The following RBFOX1 variants were observed in gnomAD, a reference collection of about 807,000 sequenced individuals.
RBFOX1 encodes the protein RNA binding protein fox-1 homolog 1.
In RBFOX1, 8 loss-of-function variants were observed where a neutral mutation model predicts 57.7. The observed-to-expected ratio is 0.14, with a 90% confidence interval of 0.08 to 0.25. The LOEUF (loss-of-function observed/expected upper bound fraction) is 0.25, where lower values mean the gene tolerates loss of function less well. RBFOX1 is among the 10% of genes least tolerant of loss of function. RBFOX1 has a pLI of 1.00. For synonymous variants in RBFOX1, 326 were observed against 222.4 expected (o/e 1.47, Z -4.15); for missense variants, 611 against 548.5 (o/e 1.11, Z -1.14).
chr16:5,578,844 CTTTTTTTTTTTTTTT>C lies in RBFOX1; in HGVS notation c.259-20049_259-20035del, dbSNP rs57387602. ...AAACCTCCACACACACACACACACCCTTTTTTTTTTTTTTTTTTTTTTTGAGAGAGTCTCACTCTG... is the reference window on the plus strand; with the variant it reads ...AAACCTCCACACACACACACACACCCTTTTTTTTGAGAGAGTCTCACTCTG... On this transcript the variant is annotated intron_variant, in intron 2 of 2. Transcript: ENST00000585867. Among the ~76,000 whole-genome samples, 6 of 109,080 alleles carry C rather than the reference CTTTTTTTTTTTTTTT, an allele frequency of 5.5e-5. No homozygotes were observed. The South Asian group carries it at 1.9e-3, about 34-fold the overall frequency. 71.6% of individuals were successfully genotyped at this position (109,080 alleles called of 152,430 possible). A position where few individuals can be genotyped will look rare whatever the true frequency, so the allele number is the denominator to read the frequency against.
chr16:7,526,279 C>T (rs1185222679), intron 5 of RBFOX1, among the ~76,000 whole-genome samples: 2 of 152,076 alleles, frequency 1.3e-5, no homozygotes, highest in Non-Finnish European at 2.9e-5. Context: ...GGACTGCTGC[C>T]CTAGAGGATC....
At chr16:5,923,320 C>T (rs1223189880) in intron 4 of RBFOX1, among the ~76,000 whole-genome samples, 2 of 151,876 alleles carry the variant, frequency 1.3e-5, no homozygotes, top group Non-Finnish European at 2.9e-5. Flanking sequence ...ATGGTGGGGA[C>T]CTTGCAGGAC....
intron 4 of RBFOX1, among the ~76,000 whole-genome samples, chr16:7,237,078 G>C (rs1456825754): frequency 6.6e-6 from 1 of 152,160 alleles, no homozygotes; most frequent in East Asian, 1.9e-4. Context: ...GAGCTGTGTG[G>C]GGTTTGGGTG....
At chr16:7,603,663 G>A (rs1384031191) in intron 9 of RBFOX1, among the ~76,000 whole-genome samples, 3 of 152,092 alleles carry the variant, frequency 2.0e-5, no homozygotes, top group Non-Finnish European at 4.4e-5. Flanking sequence ...TTTGATATAC[G>A]GTGGTCTTGG....
chr16:6,295,059 C>A (rs1326643141), intron 1 of RBFOX1, among the ~76,000 whole-genome samples: 1 of 151,224 alleles, frequency 6.6e-6, no homozygotes, highest in Non-Finnish European at 1.5e-5. Context: ...CACTCTCTCT[C>A]CTCCAAGTCC....
intron 2 of RBFOX1, among the ~76,000 whole-genome samples, chr16:6,375,696 G>T (rs1596317877): frequency 6.6e-6 from 1 of 152,130 alleles, no homozygotes; most frequent in South Asian, 2.1e-4. Flanking sequence ...GCATCTCACA[G>T]CGGACCGTTG....
intron 4 of RBFOX1, among the ~76,000 whole-genome samples, chr16:5,935,785 A>C (rs564250310): frequency 6.6e-6 from 1 of 152,330 alleles, no homozygotes; most frequent in African/African-American, 2.4e-5. Flanking sequence ...TTCAAATTCA[A>C]GTCTCCACAT....
intron 4 of RBFOX1, among the ~76,000 whole-genome samples, chr16:5,971,144 A>G (rs955197886): frequency 9.2e-5 from 14 of 152,216 alleles, no homozygotes; most frequent in African/African-American, 3.1e-4. Flanking sequence ...AGGATCTACT[A>G]TGTGCTAGGC....
chr16:7,363,060 G>T (rs1346795861), intron 4 of RBFOX1, among the ~76,000 whole-genome samples: 1 of 152,182 alleles, frequency 6.6e-6, no homozygotes, highest in Non-Finnish European at 1.5e-5. Flanking sequence ...CCAGTGTGGG[G>T]CCTGGATCAT....
intron 4 of RBFOX1, among the ~76,000 whole-genome samples, chr16:5,886,876 A>G (rs999466034): frequency 2.0e-5 from 3 of 152,216 alleles, no homozygotes; most frequent in African/African-American, 7.2e-5. Flanking sequence ...CAACGGAGTG[A>G]GACTCTGTCT....
chr16:7,042,111 G>C (rs563391833), intron 3 of RBFOX1, among the ~76,000 whole-genome samples: 18 of 152,280 alleles, frequency 1.2e-4, no homozygotes, highest in African/African-American at 4.3e-4. Context: ...AATTATACTG[G>C]TTCTTACCTC....
intron 4 of RBFOX1, among the ~76,000 whole-genome samples, chr16:6,002,876 A>G (rs745741985): frequency 1.3e-5 from 2 of 152,010 alleles, no homozygotes; most frequent in East Asian, 1.9e-4. Flanking sequence ...CCTCTGTGGT[A>G]TCTGAGATAT....
At chr16:7,639,763 G>C (rs1374059181) in intron 11 of RBFOX1, among the ~76,000 whole-genome samples, 1 of 152,138 alleles carries the variant, frequency 6.6e-6, no homozygotes, top group East Asian at 1.9e-4. Context: ...CAACACTGTA[G>C]ACAGGTGCCC....
intron 4 of RBFOX1, among the ~76,000 whole-genome samples, chr16:5,990,717 C>G (rs2060378077): frequency 8.2e-6 from 1 of 122,206 alleles, no homozygotes. Context: ...CCTGTAATCG[C>G]AACACTTCAG....
intron 2 of RBFOX1, among the ~76,000 whole-genome samples, chr16:5,576,185 C>G (rs866099964): frequency 1.3e-5 from 2 of 152,094 alleles, no homozygotes; most frequent in Non-Finnish European, 2.9e-5. Flanking sequence ...TGGGGTTTTA[C>G]CTTGTTGATC....
At chr16:6,969,058 C>T (rs905307615) in intron 3 of RBFOX1, among the ~76,000 whole-genome samples, 3 of 152,150 alleles carry the variant, frequency 2.0e-5, no homozygotes, top group East Asian at 1.9e-4. Context: ...AGTTCCCATC[C>T]GAGAGGTGTC....
At chr16:7,557,512 C>A (rs944557849) in intron 5 of RBFOX1, among the ~76,000 whole-genome samples, 1 of 148,660 alleles carries the variant, frequency 6.7e-6, no homozygotes, top group Non-Finnish European at 1.5e-5. Context: ...CCCACCTACT[C>A]GAGAGGCTGA....
At chr16:5,434,763 C>G (rs956411707) in intron 1 of RBFOX1, among the ~76,000 whole-genome samples, 3 of 152,198 alleles carry the variant, frequency 2.0e-5, no homozygotes, top group Admixed American at 2.0e-4. Context: ...TTTGTCTTAT[C>G]TGGCTATACC....
chr16:5,505,373 T>A (rs1351388180), intron 2 of RBFOX1, among the ~76,000 whole-genome samples: 4 of 152,146 alleles, frequency 2.6e-5, no homozygotes, highest in Admixed American at 2.0e-4. Context: ...GCTCCTAGAA[T>A]CCCAGAGTTT....
Sources: allele counts gnomAD v4.1 joint callset (sites outside exome capture counted in the v4.1 genomes callset), GRCh38; gene constraint gnomAD v4.1.1; transcripts MANE v1.5; gene names NCBI Gene and HGNC (gene_info 2026-07-23, HGNC 2026-07-21).